ZSWIM5: variants seen among roughly 807,000 people sequenced by gnomAD.
The protein encoded by ZSWIM5 is zinc finger SWIM-type containing 5, also known as zinc finger SWIM domain-containing protein 5.
A neutral mutation model predicts 119.6 loss-of-function variants in ZSWIM5; 55 were observed. The ratio of observed to expected loss-of-function variants is 0.46; its 90% CI spans 0.37 to 0.58. The LOEUF is 0.58. ZSWIM5 is among the 20% of genes least tolerant of loss of function. ZSWIM5 has a pLI of 0.00. For synonymous variants in ZSWIM5, 537 were observed against 606.9 expected (o/e 0.88, Z 1.69); for missense variants, 1,193 against 1,512.8 (o/e 0.79, Z 3.51).
chr1:45,085,302 T>C (rs1645320344), intron 2 of ZSWIM5, among the ~76,000 whole-genome samples: 1 of 152,082 alleles, frequency 6.6e-6, no homozygotes, highest in East Asian at 1.9e-4. Flanking sequence ...CCCTCCTAGG[T>C]CTCTGGGCCT....
At chr1:45,092,528 C>T (rs1375508897) in intron 1 of ZSWIM5, among the ~76,000 whole-genome samples, 2 of 130,530 alleles carry the variant, frequency 1.5e-5, no homozygotes, top group African/African-American at 2.9e-5. Context: ...AACTTGTGAC[C>T]TCGTGATCCA....
intron 1 of ZSWIM5, among the ~76,000 whole-genome samples, chr1:45,196,020 G>A (rs1312329161): frequency 7.1e-6 from 1 of 141,670 alleles, no homozygotes; most frequent in Non-Finnish European, 1.5e-5. Flanking sequence ...GGTGAGCACC[G>A]TTACACCCAG....
intron 1 of ZSWIM5, among the ~76,000 whole-genome samples, chr1:45,175,193 T>A (rs1051388362): frequency 6.6e-6 from 1 of 152,136 alleles, no homozygotes; most frequent in Non-Finnish European, 1.5e-5. Context: ...TATTTCATCA[T>A]GATTAGATTC....
At chr1:45,026,843 C>A (rs529664682) in intron 11 of ZSWIM5, among the ~76,000 whole-genome samples, 1 of 152,062 alleles carries the variant, frequency 6.6e-6, no homozygotes, top group East Asian at 1.9e-4. Context: ...ATAATCTGAG[C>A]CTGGCGCTTT....
At chr1:45,041,292 G>T (rs2202152) in intron 6 of ZSWIM5, among the ~76,000 whole-genome samples, 130,155 of 152,210 alleles carry the variant, frequency 0.86, 55,686 homozygotes, top group South Asian at 0.94. Context: ...GTAAACAGCT[G>T]TGAATGCCAT....
chr1:45,103,675 G>T (rs11211079), intron 1 of ZSWIM5, among the ~76,000 whole-genome samples: 16,842 of 152,256 alleles, frequency 0.11, 1,258 homozygotes, highest in Middle Eastern at 0.17. Context: ...AACTGAAACT[G>T]ACAAGTGCTG....
chr1:45,052,878 G>A (rs1055148434), intron 4 of ZSWIM5, among the ~76,000 whole-genome samples: 2 of 151,852 alleles, frequency 1.3e-5, no homozygotes, highest in Non-Finnish European at 2.9e-5. Context: ...TCCTAGCCCT[G>A]TGGGAGGCTG....
At chr1:45,179,882 G>A (rs1421968494) in intron 1 of ZSWIM5, among the ~76,000 whole-genome samples, 2 of 152,170 alleles carry the variant, frequency 1.3e-5, no homozygotes, top group Non-Finnish European at 2.9e-5. Flanking sequence ...AGGGAGGCAA[G>A]AGGCTTAAAG....
At chr1:45,111,160 G>A (rs1645514732) in intron 1 of ZSWIM5, among the ~76,000 whole-genome samples, 1 of 152,140 alleles carries the variant, frequency 6.6e-6, no homozygotes, top group African/African-American at 2.4e-5. Flanking sequence ...AAACTTCCAG[G>A]CAGAAGCGAC....
intron 1 of ZSWIM5, among the ~76,000 whole-genome samples, chr1:45,097,846 T>C (rs111600610): frequency 0.021 from 3,122 of 151,940 alleles, 115 homozygotes; most frequent in African/African-American, 0.072. Context: ...GGATTATAGG[T>C]CCCCACCACC....
At chr1:45,104,866 T>A (rs1160605091) in intron 1 of ZSWIM5, among the ~76,000 whole-genome samples, 1 of 152,208 alleles carries the variant, frequency 6.6e-6, no homozygotes, top group Non-Finnish European at 1.5e-5. Context: ...CTGTTCTCCA[T>A]CTGTACCAGA....
At chr1:45,043,789 T>C (rs970808498) in intron 5 of ZSWIM5, among the ~76,000 whole-genome samples, 2 of 149,934 alleles carry the variant, frequency 1.3e-5, no homozygotes, top group African/African-American at 4.9e-5. Context: ...AGGTCAAAGG[T>C]AGAGAGAAGA....
In ZSWIM5 at chr1:45,018,797, G is replaced by A. The variant is rs1644870357; in HGVS notation, c.3215C>T (p.Thr1072Ile). The A allele has an allele frequency of 5.0e-6, 8 of 1,614,120 alleles. No homozygotes were observed. The highest frequency in any genetic ancestry group is 1.3e-5 in the African/African-American group (1 of 74,946). Residue 1072 changes from threonine (T) to isoleucine (I), a missense_variant, in exon 14 of 14, where the codon ACA (threonine) becomes ATA (isoleucine). Coordinates refer to ENST00000359600, the MANE Select transcript of ZSWIM5 (RefSeq NM_020883.2). This position sits in a 1 kb window ranked among gnomAD's most constrained non-coding sequence, Gnocchi z 6.7. ...GCGTCGTAAGATGTCTGAAAGCACT[G>A]TGGCACAGTGCACACTCTTCACCAC... is the stretch of plus-strand genomic sequence containing the variant. ...PLVVKSVHCATVLSDILRRCT... is the reference protein window; with the variant it reads ...PLVVKSVHCAIVLSDILRRCT...
intron 11 of ZSWIM5, among the ~76,000 whole-genome samples, chr1:45,022,289 C>T (rs1428810138): frequency 6.6e-6 from 1 of 151,734 alleles, no homozygotes; most frequent in Non-Finnish European, 1.5e-5. Context: ...CACCACCACG[C>T]CCGGCTAATT....
intron 11 of ZSWIM5, among the ~76,000 whole-genome samples, chr1:45,032,598 G>A (rs1307143646): frequency 1.3e-5 from 2 of 150,900 alleles, no homozygotes; most frequent in East Asian, 3.9e-4. Flanking sequence ...CGATCCTCGT[G>A]CCACAGCCTC....
chr1:45,017,581 T>TAC lies in ZSWIM5; in HGVS notation c.*871_*872dup, dbSNP rs1298187007. On this transcript the variant is annotated 3_prime_UTR_variant, in exon 14 of 14. Transcript: ENST00000359600. ...ACACACATGTACTTAGCCATAAAGA[T>TAC]ACACACACACAATTATAGATGAAAC... 1 of 152,154 alleles carries TAC rather than the reference T, an allele frequency of 6.6e-6. No homozygotes were observed. The highest frequency in any genetic ancestry group is 1.5e-5 in the Non-Finnish European group (1 of 68,036). 9.4% of individuals were successfully genotyped at this position (152,154 alleles called of 1,614,324 possible). A position where few individuals can be genotyped will look rare whatever the true frequency, so the allele number is the denominator to read the frequency against.
intron 1 of ZSWIM5, among the ~76,000 whole-genome samples, chr1:45,176,574 T>C (rs1645983224): frequency 1.3e-5 from 2 of 152,098 alleles, no homozygotes; most frequent in Non-Finnish European, 2.9e-5. Flanking sequence ...CTGGTCTACA[T>C]TTTAGCTACT....
At chr1:45,179,494 T>C (rs1000825217) in intron 1 of ZSWIM5, among the ~76,000 whole-genome samples, 1 of 152,140 alleles carries the variant, frequency 6.6e-6, no homozygotes, top group Non-Finnish European at 1.5e-5. Flanking sequence ...TTGGGTACTA[T>C]GCTCACTACC....
At chr1:45,117,317 A>G (rs955101470) in intron 1 of ZSWIM5, among the ~76,000 whole-genome samples, 1 of 152,196 alleles carries the variant, frequency 6.6e-6, no homozygotes, top group Non-Finnish European at 1.5e-5. Flanking sequence ...CATTCAGAAT[A>G]GAGAAATCAA....
Sources: allele counts gnomAD v4.1 joint callset (sites outside exome capture counted in the v4.1 genomes callset), GRCh38; gene constraint gnomAD v4.1.1; non-coding constraint Gnocchi (gnomAD v3.1); transcripts MANE v1.5; gene names NCBI Gene and HGNC (gene_info 2026-07-23, HGNC 2026-07-21).